The following CASK variants were observed in gnomAD, a reference collection of about 807,000 sequenced individuals.
CASK encodes the protein peripheral plasma membrane protein CASK.
In CASK, 4 loss-of-function variants were observed where a neutral mutation model predicts 82.9. The observed-to-expected ratio is 0.05, with a 90% confidence interval of 0.02 to 0.11. The LOEUF (loss-of-function observed/expected upper bound fraction) is 0.11. Ranked by LOEUF, CASK falls within the 10% of genes least tolerant of loss-of-function variation. The probability of loss-of-function intolerance (pLI) is 1.00; values close to 1 mark genes in which losing one functional copy is unlikely to be tolerated. For synonymous variants in CASK, 259 were observed against 253.5 expected (o/e 1.02, Z -0.20); for missense variants, 358 against 720.9 (o/e 0.50, Z 5.76).
chrX:41,787,161 T>A lies in CASK; in HGVS notation c.278+17A>T. On this transcript the variant is annotated intron_variant, in intron 3 of 26. Coordinates refer to ENST00000378163, the MANE Select transcript of CASK (RefSeq NM_001367721.1). ...TGCTTCAAGTTTTACCCTTTAAGAA[T>A]TAAAATACACACTCACAATTCGAAA... 1.0e-6 allele frequency: 1 copy of A among 967,503 alleles called. No homozygotes were observed. Among genetic ancestry groups the A allele is most frequent in the Non-Finnish European group, 1.5e-6 (1 of 672,145 alleles). 79.7% of individuals were successfully genotyped at this position (967,503 alleles called of 1,213,427 possible).
chrX:41,765,167 G>C (rs1433702493), intron 3 of CASK, among the ~76,000 whole-genome samples: 1 of 111,890 alleles, frequency 8.9e-6, no homozygotes, highest in Non-Finnish European at 1.9e-5. Context: ...ACCCACTCTA[G>C]TTAAAAGCAT....
chrX:41,812,195 T>C (rs752583148), intron 2 of CASK, among the ~76,000 whole-genome samples: 1 of 111,812 alleles, frequency 8.9e-6, no homozygotes, highest in East Asian at 2.8e-4. Context: ...TCTGAAACTA[T>C]TCCAATCAAT....
chrX:41,747,727 C>T (rs2068716717), intron 3 of CASK, among the ~76,000 whole-genome samples: 1 of 112,636 alleles, frequency 8.9e-6, no homozygotes, highest in East Asian at 2.8e-4. Flanking sequence ...AGGCATGAGC[C>T]ACTGCGCCCG....
At chrX:41,528,205 G>C (rs774026756) in intron 25 of CASK, among the ~76,000 whole-genome samples, 26 of 112,711 alleles carry the variant, frequency 2.3e-4, no homozygotes, top group African/African-American at 8.0e-4. Flanking sequence ...CTGATCTCCA[G>C]CTCATAGGGT....
rs768786838 is a variant in CASK, at chrX:41,653,872, A to G, written c.831+6567T>C. On this transcript the variant is annotated intron_variant, in intron 8 of 26. Transcript: ENST00000378163. ...CCCACAGCTCACTACTGAACAATCA[A>G]CAATGGGTATAATGTGATCCAGACA... Among the ~76,000 whole-genome samples, 9 of 112,570 alleles carry G rather than the reference A, an allele frequency of 8.0e-5. No homozygotes were observed. In the South Asian group the frequency reaches 1.8e-3, roughly 23 times the overall value.
At chrX:41,855,817 T>C (rs1020081365) in intron 1 of CASK, among the ~76,000 whole-genome samples, 1 of 112,464 alleles carries the variant, frequency 8.9e-6, no homozygotes, top group African/African-American at 3.2e-5. Flanking sequence ...AAAAAGATAA[T>C]TGACAGCATT....
At chrX:41,668,017 T>C (rs1233163446) in intron 6 of CASK, among the ~76,000 whole-genome samples, 2 of 111,927 alleles carry the variant, frequency 1.8e-5, no homozygotes, top group Non-Finnish European at 3.8e-5. Context: ...TAGTTCTGCG[T>C]TCTCCTAATT....
chrX:41,740,375 CTG>C (rs2068574572), intron 4 of CASK, among the ~76,000 whole-genome samples: 1 of 109,769 alleles, frequency 9.1e-6, no homozygotes, highest in Non-Finnish European at 1.9e-5. Flanking sequence ...AGACTTAACA[CTG>C]TTCACTGTAT....
At chrX:41,754,196 G>A (rs2068848801) in intron 3 of CASK, among the ~76,000 whole-genome samples, 1 of 110,737 alleles carries the variant, frequency 9.0e-6, no homozygotes, top group African/African-American at 3.3e-5. Context: ...CCAGGAGTTC[G>A]AGACCAGCCT....
chrX:41,770,578 G>A (rs771355510), intron 3 of CASK, among the ~76,000 whole-genome samples: 1 of 110,095 alleles, frequency 9.1e-6, no homozygotes, highest in Non-Finnish European at 1.9e-5. Flanking sequence ...TAGTAGAGAC[G>A]AGATTTCACC....
chrX:41,862,544 A>G (rs1362417343), intron 1 of CASK, among the ~76,000 whole-genome samples: 3 of 72,664 alleles, frequency 4.1e-5, no homozygotes, highest in Middle Eastern at 7.5e-3. Context: ...CTGTCTCAGA[A>G]AAAAAAAAAA....
chrX:41,705,436 T>C (rs893991277), intron 5 of CASK, among the ~76,000 whole-genome samples: 14 of 111,441 alleles, frequency 1.3e-4, no homozygotes, highest in African/African-American at 4.6e-4. Context: ...GTGCCTGTAG[T>C]CCCAGCTACT....
chrX:41,695,819 T>C (rs745616946), intron 5 of CASK: 1 of 1,205,297 alleles, frequency 8.3e-7, no homozygotes, highest in Non-Finnish European at 1.1e-6. Flanking sequence ...CATCCTACTC[T>C]GTTATTTTCA....
intron 1 of CASK, among the ~76,000 whole-genome samples, chrX:41,906,829 A>G (rs1282557564): frequency 1.8e-5 from 2 of 112,965 alleles, no homozygotes; most frequent in African/African-American, 6.4e-5. Context: ...CTCTTTTTTT[A>G]AAGAGTTCAC....
rs775051138 is a variant in CASK at position 41,719,713 on chromosome X, C to G, written c.429+19671G>C. Among the ~76,000 whole-genome samples, 11 of 111,675 alleles carry G rather than the reference C, an allele frequency of 9.9e-5. No individual in the cohort carries two copies. The East Asian group carries it at 2.8e-3, about 28-fold the overall frequency. Reference sequence around the variant, plus strand: ...GTTTCCATTGGCTGGAACGGGACCTCGCATTCTGTATCTGTCCCGATTGGC... The same window carrying G: ...GTTTCCATTGGCTGGAACGGGACCTGGCATTCTGTATCTGTCCCGATTGGC... On this transcript the variant is annotated intron_variant, in intron 5 of 26. Transcript: ENST00000378163.
At chrX:41,796,172 C>T (rs2069848982) in intron 2 of CASK, among the ~76,000 whole-genome samples, 1 of 112,446 alleles carries the variant, frequency 8.9e-6, no homozygotes, top group Non-Finnish European at 1.9e-5. Flanking sequence ...GGGCAATAGA[C>T]TTGTAGTCAA....
intron 7 of CASK, among the ~76,000 whole-genome samples, chrX:41,664,916 C>T (rs1358749344): frequency 1.8e-5 from 2 of 112,746 alleles, no homozygotes; most frequent in Non-Finnish European, 3.7e-5. Flanking sequence ...GCTGTGCTGG[C>T]CTAAATTTAA....
At chrX:41,648,933 C>G (rs1005461503) in intron 8 of CASK, among the ~76,000 whole-genome samples, 2 of 111,393 alleles carry the variant, frequency 1.8e-5, no homozygotes, top group Admixed American at 1.9e-4. Flanking sequence ...AATTTCAGAG[C>G]CTGTTATTGG....
intron 8 of CASK, among the ~76,000 whole-genome samples, chrX:41,638,387 A>G (rs1006719503): frequency 6.4e-5 from 7 of 109,978 alleles, no homozygotes; most frequent in Non-Finnish European, 1.3e-4. Flanking sequence ...ACCTGTCTCT[A>G]TGAAAAAATT....
Sources: gnomAD v4.1 joint callset for allele counts (sites outside exome capture counted in the v4.1 genomes callset) on GRCh38, gnomAD v4.1.1 for gene constraint, MANE v1.5 for transcripts, NCBI Gene and HGNC (gene_info 2026-07-23, HGNC 2026-07-21) for gene names.